The following MTHFD2L variants were observed in gnomAD, a reference collection of about 807,000 sequenced individuals.
MTHFD2L encodes the protein methylenetetrahydrofolate dehydrogenase (NADP+ dependent) 2 like, also known as bifunctional methylenetetrahydrofolate dehydrogenase/cyclohydrolase 2, mitochondrial.
In MTHFD2L, 29 loss-of-function variants were observed where a neutral mutation model predicts 34.9. The observed-to-expected ratio is 0.83, with a 90% CI of 0.62 to 1.13. MTHFD2L has a LOEUF of 1.13. Ranked by LOEUF, MTHFD2L falls within the 50% of genes most tolerant of loss-of-function variation. The pLI is 0.00. For synonymous variants in MTHFD2L, 167 were observed against 155.7 expected, an observed-to-expected ratio of 1.07 and a Z score of -0.54; for missense variants, 481 against 446.5, an observed-to-expected ratio of 1.08 and a Z score of -0.70.
chr4:74,215,038 G>A (rs1019585237), intron 5 of MTHFD2L, among the ~76,000 whole-genome samples: 6 of 151,642 alleles, frequency 4.0e-5, no homozygotes, highest in Admixed American at 6.6e-5. Flanking sequence ...ATGGTGGACT[G>A]CCCCCCTGCC....
intron 5 of MTHFD2L, among the ~76,000 whole-genome samples, chr4:74,211,179 T>A (rs1237684222): frequency 6.6e-6 from 1 of 152,186 alleles, no homozygotes; most frequent in East Asian, 1.9e-4. Context: ...TTTATTTTTT[T>A]CTCTTGCCTG....
chr4:74,198,743 A>T (rs1733910210), intron 3 of MTHFD2L, among the ~76,000 whole-genome samples: 1 of 152,182 alleles, frequency 6.6e-6, no homozygotes, highest in African/African-American at 2.4e-5. Context: ...TCTAGACTGA[A>T]TGCAGTTATT....
At chr4:74,135,993 C>T (rs1408470669) in intron 1 of MTHFD2L, among the ~76,000 whole-genome samples, 4 of 151,972 alleles carry the variant, frequency 2.6e-5, no homozygotes, top group East Asian at 1.9e-4. Context: ...ATAATAAAAG[C>T]CATCTATGAC....
chr4:74,154,051 C>T (rs541687089), upstream of MTHFD2L, among the ~76,000 whole-genome samples: 3 of 152,210 alleles, frequency 2.0e-5, no homozygotes, highest in African/African-American at 4.8e-5. Flanking sequence ...CTTAGACTTT[C>T]CTTGTTTTTG....
chr4:74,236,098 A>C (rs1206330219), intron 6 of MTHFD2L, among the ~76,000 whole-genome samples: 4 of 152,272 alleles, frequency 2.6e-5, no homozygotes, highest in Admixed American at 6.5e-5. Context: ...TAGTCTTTGC[A>C]TACTGGATTT....
chr4:74,206,600 GA>G (rs983717990), intron 5 of MTHFD2L, among the ~76,000 whole-genome samples: 2 of 149,646 alleles, frequency 1.3e-5, no homozygotes, highest in Admixed American at 1.3e-4. Context: ...CCAAGAGAAA[GA>G]AAAAAAAAGT....
At chr4:74,134,224 C>CT (rs1722745584) in intron 1 of MTHFD2L, among the ~76,000 whole-genome samples, 1 of 152,130 alleles carries the variant, frequency 6.6e-6, no homozygotes, top group African/African-American at 2.4e-5. Context: ...GAAGCCAGGA[C>CT]TACCATCCTC....
intron 7 of MTHFD2L, among the ~76,000 whole-genome samples, chr4:74,293,005 G>A (rs1440370516): frequency 6.6e-6 from 1 of 151,744 alleles, no homozygotes; most frequent in Non-Finnish European, 1.5e-5. Flanking sequence ...TTTCTAAGTG[G>A]TATGAGTGGT....
intron 6 of MTHFD2L, among the ~76,000 whole-genome samples, chr4:74,245,837 ATGG>A (rs1560526199): frequency 9.9e-5 from 15 of 151,746 alleles, no homozygotes; most frequent in African/African-American, 3.1e-4. Flanking sequence ...ATAGTATTCC[ATGG>A]TGTATATGTG....
chr4:74,277,674 C>T (rs1421977470), intron 6 of MTHFD2L, among the ~76,000 whole-genome samples: 1 of 151,962 alleles, frequency 6.6e-6, no homozygotes, highest in Admixed American at 6.6e-5. Flanking sequence ...AAAGATACTC[C>T]CTCCCTTTGT....
At chr4:74,247,548 G>C (rs927788379) in intron 6 of MTHFD2L, among the ~76,000 whole-genome samples, 3 of 152,232 alleles carry the variant, frequency 2.0e-5, no homozygotes, top group African/African-American at 7.2e-5. Context: ...GGGCATCCCT[G>C]TCTTGTGCCA....
At chr4:74,265,668 A>G (rs1459989362) in intron 6 of MTHFD2L, among the ~76,000 whole-genome samples, 2 of 152,214 alleles carry the variant, frequency 1.3e-5, no homozygotes, top group Non-Finnish European at 2.9e-5. Context: ...ATTTTAGCCA[A>G]GGAACAAAGG....
intron 6 of MTHFD2L, among the ~76,000 whole-genome samples, chr4:74,260,007 A>G (rs1278494917): frequency 6.6e-6 from 1 of 152,096 alleles, no homozygotes; most frequent in Non-Finnish European, 1.5e-5. Flanking sequence ...AGCCTTGGGG[A>G]ATGGGCACTT....
intron 6 of MTHFD2L, among the ~76,000 whole-genome samples, chr4:74,234,443 T>A (rs762365446): frequency 6.6e-6 from 1 of 152,120 alleles, no homozygotes; most frequent in Non-Finnish European, 1.5e-5. Context: ...TGTAGCACTA[T>A]TTCTATAATA....
chr4:74,222,369 C>T (rs541904806), intron 5 of MTHFD2L, among the ~76,000 whole-genome samples: 2 of 152,058 alleles, frequency 1.3e-5, no homozygotes. Context: ...CTTACTGCAT[C>T]ATCTCATGAT....
chr4:74,172,785 T>C (rs1293062732), intron 1 of MTHFD2L, among the ~76,000 whole-genome samples: 1 of 152,206 alleles, frequency 6.6e-6, no homozygotes, highest in Non-Finnish European at 1.5e-5. Context: ...GAACATTGTT[T>C]ACATCAAAAT....
intron 1 of MTHFD2L, chr4:74,140,652 A>G: frequency 1.5e-6 from 1 of 648,658 alleles, no homozygotes; most frequent in Non-Finnish European, 1.9e-6. Flanking sequence ...GTAATTTATA[A>G]AGGAAAGAGG....
Position 74,115,953 on chromosome 4 carries a change from G to A in MTHFD2L, c.-144+1296G>A, listed in dbSNP as rs141846165. On this transcript the variant is annotated intron_variant and NMD_transcript_variant, in intron 2 of 9. Transcript: ENST00000429519. ...CATGATCATTCCAATCAAATAAGGG[G>A]AAAAAATATAAAGTATTTGTAATCA... 2.3e-3 allele frequency among the ~76,000 whole-genome samples: 354 copies of A among 152,180 alleles called. 2 individuals are homozygous for A. Among genetic ancestry groups the A allele is most frequent in the African/African-American group, 8.0e-3 (332 of 41,530 alleles).
At chr4:74,282,076 T>A (rs1039929919) in intron 7 of MTHFD2L, among the ~76,000 whole-genome samples, 3 of 152,012 alleles carry the variant, frequency 2.0e-5, no homozygotes, top group Admixed American at 2.0e-4. Flanking sequence ...TAAGCTAAAG[T>A]TTTTGTGGTC....
Sources: allele counts gnomAD v4.1 joint callset (sites outside exome capture counted in the v4.1 genomes callset), GRCh38; gene constraint gnomAD v4.1.1; transcripts MANE v1.5; gene names NCBI Gene and HGNC (gene_info 2026-07-23, HGNC 2026-07-21).